Variants in FOCAD observed in about 807,000 individuals in gnomAD.
FOCAD encodes the protein focadhesin, also known as KIAA1797.
In FOCAD, 198 loss-of-function variants were observed where a neutral mutation model predicts 225.6. The ratio of observed to expected loss-of-function variants is 0.88; its 90% CI spans 0.78 to 0.99. The LOEUF (loss-of-function observed/expected upper bound fraction) is 0.99, where lower values mean the gene tolerates loss of function less well. FOCAD is among the 50% of genes least tolerant of loss of function. FOCAD has a pLI of 0.00. For missense variants in FOCAD, 2,713 were observed against 2,123.6 expected, an observed-to-expected ratio of 1.28 and a Z score of -5.46; for synonymous variants, 897 against 755.0, an observed-to-expected ratio of 1.19 and a Z score of -3.08.
Position 20,881,985 on chromosome 9 carries a change from C to T in FOCAD, c.2432C>T (p.Ala811Val), listed in dbSNP as rs749908761. ...CGCTCAGACCAAGGAAAGACTGTAGCAGGAATCCCCAATTTTATATTGAAA... is the reference window on the plus strand; with the variant it reads ...CGCTCAGACCAAGGAAAGACTGTAGTAGGAATCCCCAATTTTATATTGAAA... Reference protein sequence around the residue: ...GARSDQGKTVAGIPNFILKMY... With the variant: ...GARSDQGKTVVGIPNFILKMY... The change falls in exon 20 of 44, where the codon GCA becomes GTA. Residue 811 changes from alanine (A) to valine (V), a missense_variant. Physicochemically the swap from Ala to Val is moderately conservative, Grantham distance 64 (BLOSUM62 0). Coordinates refer to ENST00000338382, the MANE Select transcript of FOCAD (RefSeq NM_001375567.1). 2.5e-6 allele frequency: 4 copies of T among 1,613,780 alleles called. No homozygotes were observed. Among genetic ancestry groups the T allele is most frequent in the Non-Finnish European group, 3.4e-6 (4 of 1,179,892 alleles).
chr9:20,881,711 G>C (rs754642183), intron 19 of FOCAD, among the ~76,000 whole-genome samples, 160 bp from the exon 20 acceptor site: 19 of 152,016 alleles, frequency 1.2e-4, no homozygotes, highest in Admixed American at 4.6e-4. Context: ...CTAATTTGGA[G>C]GAAGACTAAG....
chr9:20,675,304 T>C (rs1822200669), intron 2 of FOCAD, among the ~76,000 whole-genome samples: 1 of 152,122 alleles, frequency 6.6e-6, no homozygotes, highest in African/African-American at 2.4e-5. Flanking sequence ...AGTTTTTACA[T>C]AAAAATATAT....
At chr9:20,728,773 G>A (rs777274710) in intron 4 of FOCAD, among the ~76,000 whole-genome samples, 1 of 152,144 alleles carries the variant, frequency 6.6e-6, no homozygotes, top group Non-Finnish European at 1.5e-5. Context: ...GTGTGGATTA[G>A]GTCTCTTTGG....
chr9:20,948,815 A>G, intron 31 of FOCAD, 36 bp from the exon 32 acceptor site: 21 of 1,570,186 alleles, frequency 1.3e-5, no homozygotes, highest in African/African-American at 2.7e-5. Flanking sequence ...CCAAGGACTG[A>G]TTCCCTCTTT....
chr9:20,876,941 G>A (rs1052621167), intron 19 of FOCAD, among the ~76,000 whole-genome samples: 1 of 152,152 alleles, frequency 6.6e-6, no homozygotes, highest in African/African-American at 2.4e-5. Context: ...TTTAAATAGA[G>A]ATGTTACTGC....
intron 11 of FOCAD, among the ~76,000 whole-genome samples, chr9:20,790,462 C>T (rs1164044019): frequency 6.6e-6 from 1 of 152,074 alleles, no homozygotes; most frequent in African/African-American, 2.4e-5. Context: ...AGAAAACGGG[C>T]AAATGTGTTT....
chr9:20,819,691 A>T, intron 11 of FOCAD, 105 bp from the exon 12 acceptor site: 1 of 510,986 alleles, frequency 2.0e-6, no homozygotes, highest in Non-Finnish European at 3.3e-6. Flanking sequence ...CTTCCAATTC[A>T]TTCATATTCA....
chr9:20,990,236 T>C lies in FOCAD; in HGVS notation c.5118T>C (p.Asn1706=). The C allele has an allele frequency of 6.2e-7, 1 of 1,614,202 alleles. No homozygotes were observed. Among genetic ancestry groups the C allele is most frequent in the South Asian group, 1.1e-5 (1 of 91,086 alleles). The change falls in exon 42 of 44, where the codon AAT becomes AAC. Residue 1706 remains asparagine, a synonymous_variant. Transcript: ENST00000338382. The part of the protein sequence containing the change: ...SASWLPWHQE[N]GPAGPVPSFL... ...GTTGGTTGCCATGGCATCAGGAGAA[T>C]GGCCCGGCTGGGCCAGTACCAAGCT... is the stretch of plus-strand genomic sequence containing the variant.
intron 15 of FOCAD, among the ~76,000 whole-genome samples, chr9:20,845,126 A>C (rs1187593616): frequency 6.6e-6 from 1 of 152,016 alleles, no homozygotes; most frequent in Non-Finnish European, 1.5e-5. Flanking sequence ...GTCTAATTTC[A>C]CAATCCCTCC....
At chr9:20,871,077 G>A (rs1048989122) in intron 18 of FOCAD, among the ~76,000 whole-genome samples, 1 of 151,824 alleles carries the variant, frequency 6.6e-6, no homozygotes, top group South Asian at 2.1e-4. Flanking sequence ...GTGGTGCGGG[G>A]CCTGTAATCC....
intron 1 of FOCAD, among the ~76,000 whole-genome samples, chr9:20,696,657 T>C (rs538079418): frequency 2.6e-5 from 4 of 152,016 alleles, no homozygotes; most frequent in African/African-American, 2.4e-5. Context: ...ATACAAAAAT[T>C]AGCTGGGCAT....
At chr9:20,704,021 A>T in intron 1 of FOCAD, among the ~76,000 whole-genome samples, 1 of 152,144 alleles carries the variant, frequency 6.6e-6, no homozygotes, top group East Asian at 1.9e-4. Context: ...TATCATGATG[A>T]TAGAGGTAGG....
At chr9:20,965,294 G>A (rs1240881345) in intron 35 of FOCAD, among the ~76,000 whole-genome samples, 1 of 152,160 alleles carries the variant, frequency 6.6e-6, no homozygotes, top group Non-Finnish European at 1.5e-5. Flanking sequence ...ATTCCAGAAA[G>A]CAATGATTCT....
At chr9:20,812,307 TA>T (rs1172167357) in intron 11 of FOCAD, among the ~76,000 whole-genome samples, 2 of 151,998 alleles carry the variant, frequency 1.3e-5, no homozygotes, top group Non-Finnish European at 2.9e-5. Context: ...TGAGCTATCA[TA>T]TTTTTTTAAA....
At position 20,926,353 on chromosome 9, in the gene FOCAD, C is replaced by G; in HGVS notation, c.3014C>G (p.Thr1005Arg). 6.2e-7 allele frequency: 1 copy of G among 1,613,680 alleles called. No homozygotes were observed. Among genetic ancestry groups the G allele is most frequent in the African/African-American group, 1.3e-5 (1 of 74,998 alleles). ...MKEWVSMVLD[T>R]LLVIVDSHYQ... The stretch of plus-strand genomic sequence containing the variant: ...GAGTGGGTTTCCATGGTACTTGATA[C>G]ACTCTTGGTCATTGTGGATAGCCAT... The change falls in exon 26 of 44, where the codon ACA becomes AGA. Residue 1005 changes from threonine (T) to arginine (R), a missense_variant. Physicochemically the swap from Thr to Arg is moderately conservative, Grantham distance 71. Transcript: ENST00000338382.
At chr9:20,804,968 C>T (rs1245794445) in intron 11 of FOCAD, among the ~76,000 whole-genome samples, 1 of 152,078 alleles carries the variant, frequency 6.6e-6, no homozygotes, top group African/African-American at 2.4e-5. Flanking sequence ...AAATGTTTCC[C>T]ATTACACCCT....
intron 16 of FOCAD, among the ~76,000 whole-genome samples, chr9:20,864,062 G>A (rs1451191303): frequency 6.6e-6 from 1 of 151,982 alleles, no homozygotes; most frequent in African/African-American, 2.4e-5. Flanking sequence ...GCCCAGTTAG[G>A]GGGAGTCTCT....
At position 20,821,045 on chromosome 9, in the gene FOCAD, A is replaced by C; in HGVS notation, c.1767A>C (p.Ala589=). The C allele has an allele frequency of 2.5e-6, 4 of 1,612,688 alleles. No homozygotes were observed. The highest frequency in any genetic ancestry group is 3.4e-6 in the Non-Finnish European group (4 of 1,179,064). The change falls in exon 14 of 44, where the codon GCA becomes GCC. Residue 589 remains alanine (A), a synonymous_variant. Coordinates refer to ENST00000338382, the MANE Select transcript of FOCAD (RefSeq NM_001375567.1). ...VQWEKLIAKA[A]SIRDICKQRP... ...GGGAGAAACTGATTGCAAAAGCAGC[A>C]TCAATCAGAGATATATGTAAGCAGA... is the stretch of plus-strand genomic sequence containing the variant.
intron 1 of FOCAD, among the ~76,000 whole-genome samples, chr9:20,712,797 A>G (rs1824970417): frequency 7.2e-6 from 1 of 139,206 alleles, no homozygotes; most frequent in Non-Finnish European, 1.5e-5. Flanking sequence ...CAGTGGCACA[A>G]CCTCGGCTTA....
Sources: allele counts gnomAD v4.1 joint callset (sites outside exome capture counted in the v4.1 genomes callset), GRCh38; gene constraint gnomAD v4.1.1; transcripts MANE v1.5; gene names NCBI Gene and HGNC (gene_info 2026-07-23, HGNC 2026-07-21).